ERBB4: variants seen among roughly 807,000 people sequenced by gnomAD.
The protein encoded by ERBB4 is receptor tyrosine-protein kinase erbB-4.
A neutral mutation model predicts 158.0 loss-of-function variants in ERBB4; 42 were observed. The observed-to-expected ratio is 0.27, with a 90% CI of 0.21 to 0.34. The LOEUF (loss-of-function observed/expected upper bound fraction) is 0.34. Ranked by LOEUF, ERBB4 falls within the 10% of genes least tolerant of loss-of-function variation. ERBB4 has a pLI of 1.00. For missense variants in ERBB4, 1,333 were observed against 1,624.1 expected (o/e 0.82, Z 3.08); for synonymous variants, 583 against 558.7 (o/e 1.04, Z -0.61).
chr2:211,524,033 T>C (rs1052609714), intron 20 of ERBB4, among the ~76,000 whole-genome samples: 3 of 152,036 alleles, frequency 2.0e-5, no homozygotes, highest in South Asian at 4.2e-4. Flanking sequence ...TACAGAGTGT[T>C]GATTGGTGCA....
intron 4 of ERBB4, among the ~76,000 whole-genome samples, chr2:211,783,966 C>T (rs1258422130): frequency 6.6e-6 from 1 of 152,158 alleles, no homozygotes; most frequent in Non-Finnish European, 1.5e-5. Context: ...CCTTGTACCT[C>T]TGGTAGAATT....
intron 25 of ERBB4, among the ~76,000 whole-genome samples, chr2:211,414,317 T>G (rs1389015202): frequency 2.0e-5 from 3 of 151,640 alleles, no homozygotes; most frequent in Non-Finnish European, 4.4e-5. Context: ...GGCCAACAGG[T>G]GAAACCCTGT....
At chr2:211,669,709 A>G (rs985479145) in intron 14 of ERBB4, among the ~76,000 whole-genome samples, 1 of 152,184 alleles carries the variant, frequency 6.6e-6, no homozygotes, top group Non-Finnish European at 1.5e-5. Context: ...GGATTATATT[A>G]TCTCATTTTA....
At chr2:212,523,163 A>C (rs976796675) in intron 1 of ERBB4, among the ~76,000 whole-genome samples, 9 of 151,932 alleles carry the variant, frequency 5.9e-5, no homozygotes, top group Non-Finnish European at 1.3e-4. Flanking sequence ...GGTCTACTTT[A>C]TTTGTAATTA....
chr2:211,447,249 T>C (rs1295003934), intron 20 of ERBB4, among the ~76,000 whole-genome samples: 1 of 152,188 alleles, frequency 6.6e-6, no homozygotes, highest in African/African-American at 2.4e-5. Context: ...CTTTATCTTT[T>C]ATGACAAGAC....
At chr2:212,407,135 C>T (rs1392689180) in intron 1 of ERBB4, among the ~76,000 whole-genome samples, 1 of 150,880 alleles carries the variant, frequency 6.6e-6, no homozygotes, top group Non-Finnish European at 1.5e-5. Flanking sequence ...AGATTATATA[C>T]ATAACATATA....
intron 19 of ERBB4, among the ~76,000 whole-genome samples, chr2:211,567,140 G>A (rs1476374063): frequency 6.6e-6 from 1 of 152,132 alleles, no homozygotes; most frequent in Non-Finnish European, 1.5e-5. Context: ...GCAAAATGAG[G>A]AAACCAAAAC....
At chr2:212,313,713 T>C (rs1227689507) in intron 1 of ERBB4, among the ~76,000 whole-genome samples, 1 of 151,002 alleles carries the variant, frequency 6.6e-6, no homozygotes, top group Non-Finnish European at 1.5e-5. Context: ...CACAATTTAG[T>C]TTTGTTTTCC....
intron 1 of ERBB4, among the ~76,000 whole-genome samples, chr2:212,312,855 G>GA (rs974102543): frequency 6.7e-6 from 1 of 149,932 alleles, no homozygotes; most frequent in African/African-American, 2.4e-5. Flanking sequence ...TATTAATAAG[G>GA]AAAAAAAATA....
intron 1 of ERBB4, among the ~76,000 whole-genome samples, chr2:212,209,443 T>C (rs1190700564): frequency 6.6e-6 from 1 of 152,170 alleles, no homozygotes; most frequent in Non-Finnish European, 1.5e-5. Flanking sequence ...GTGAAAATCC[T>C]GATCTTATGA....
chr2:212,533,165 G>C (rs13382807), intron 1 of ERBB4, among the ~76,000 whole-genome samples: 42,786 of 152,034 alleles, frequency 0.28, 8,060 homozygotes, highest in African/African-American at 0.54. Flanking sequence ...GAGTTAATAA[G>C]CTCTTTATTT....
At chr2:211,546,077 G>A (rs1018098144) in intron 20 of ERBB4, among the ~76,000 whole-genome samples, 35 of 152,030 alleles carry the variant, frequency 2.3e-4, no homozygotes, top group African/African-American at 8.2e-4. Context: ...TTGCCAAAAA[G>A]CTCTTTTTAA....
chr2:211,725,373 T>C (rs2074232336), intron 5 of ERBB4, among the ~76,000 whole-genome samples, 179 bp from the exon 6 acceptor site: 1 of 152,144 alleles, frequency 6.6e-6, no homozygotes. Flanking sequence ...TAATTTATAA[T>C]TATTTCATTT....
intron 2 of ERBB4, among the ~76,000 whole-genome samples, chr2:212,061,298 C>T (rs1051723786): frequency 6.6e-6 from 1 of 151,286 alleles, no homozygotes. Flanking sequence ...ACTAAAAATA[C>T]AAAACTTAGC....
intron 16 of ERBB4, among the ~76,000 whole-genome samples, chr2:211,637,849 T>G (rs566088260): frequency 1.4e-3 from 220 of 152,082 alleles, no homozygotes; most frequent in Admixed American, 2.5e-3. Flanking sequence ...TCACCTATTG[T>G]ATTTTTTCTC....
At chr2:212,049,762 C>A (rs1368720779) in intron 2 of ERBB4, among the ~76,000 whole-genome samples, 2 of 152,166 alleles carry the variant, frequency 1.3e-5, no homozygotes, top group Non-Finnish European at 2.9e-5. Flanking sequence ...AAGGTAATGT[C>A]TTTGTCTTCA....
chr2:211,542,725 A>T (rs2066843387), intron 20 of ERBB4, among the ~76,000 whole-genome samples: 1 of 151,846 alleles, frequency 6.6e-6, no homozygotes, highest in African/African-American at 2.4e-5. Flanking sequence ...ATTATATTTA[A>T]AATACAGATT....
chr2:211,820,452 A>G (rs2076969592), intron 3 of ERBB4, among the ~76,000 whole-genome samples: 1 of 151,886 alleles, frequency 6.6e-6, no homozygotes, highest in South Asian at 2.1e-4. Context: ...ATATCTCCCA[A>G]CAAAGAAAAG....
rs71054136 is a variant in ERBB4 at position 211,721,443 on chromosome 2, C to CAAAAAAAAAAAAAAAAAAAA, written c.883+930_883+949dup. Among the ~76,000 whole-genome samples, 29 of 54,494 alleles carry CAAAAAAAAAAAAAAAAAAAA rather than the reference C, an allele frequency of 5.3e-4. 4 individuals carry two copies. Among genetic ancestry groups the CAAAAAAAAAAAAAAAAAAAA allele is most frequent in the African/African-American group, 1.1e-3 (12 of 10,536 alleles). 35.8% of individuals were successfully genotyped at this position (54,494 alleles called of 152,430 possible). On this transcript the variant is annotated intron_variant, in intron 7 of 27. Coordinates refer to ENST00000342788, the MANE Select transcript of ERBB4 (RefSeq NM_005235.3). ...GAAATGTCCCATTGGTTACTCAAAG[C>CAAAAAAAAAAAAAAAAAAAA]AAAAAAAAAAAAAAAAAAAAAATAG... is the stretch of plus-strand genomic sequence containing the variant.
Sources: allele counts gnomAD v4.1 joint callset (sites outside exome capture counted in the v4.1 genomes callset), GRCh38; gene constraint gnomAD v4.1.1; transcripts MANE v1.5; gene names NCBI Gene and HGNC (gene_info 2026-07-23, HGNC 2026-07-21).